The following EYA4 variants were observed in gnomAD, a reference collection of about 807,000 sequenced individuals.
The protein encoded by EYA4 is EYA transcriptional coactivator and phosphatase 4.
Under a neutral mutation model 87.9 loss-of-function variants are expected in EYA4, and 31 were observed. The ratio of observed to expected loss-of-function variants is 0.35; its 90% CI spans 0.27 to 0.48. The LOEUF (loss-of-function observed/expected upper bound fraction) is 0.48. Among genes scored for constraint, EYA4 ranks in the 20% least tolerant of loss-of-function variants. EYA4 has a pLI of 0.99. For synonymous variants in EYA4, 263 were observed against 270.6 expected, an observed-to-expected ratio of 0.97 and a Z score of 0.28; for missense variants, 678 against 761.4, an observed-to-expected ratio of 0.89 and a Z score of 1.29.
intron 2 of EYA4, among the ~76,000 whole-genome samples, chr6:133,320,295 T>C (rs947152287): frequency 9.2e-5 from 14 of 152,090 alleles, no homozygotes; most frequent in African/African-American, 3.4e-4. Context: ...TTTTTAAAGA[T>C]GGATAAATTT....
chr6:133,435,921 T>C (rs995004537), intron 3 of EYA4, among the ~76,000 whole-genome samples: 1 of 151,952 alleles, frequency 6.6e-6, no homozygotes, highest in Non-Finnish European at 1.5e-5. Flanking sequence ...ACTGCACATA[T>C]AAATATTGAA....
intron 2 of EYA4, among the ~76,000 whole-genome samples, chr6:133,348,376 C>T (rs894844980): frequency 3.4e-5 from 5 of 147,486 alleles, no homozygotes; most frequent in African/African-American, 1.3e-4. Flanking sequence ...CGGGTTCAAG[C>T]AGTCCTCTTG....
intron 2 of EYA4, among the ~76,000 whole-genome samples, chr6:133,290,346 A>C (rs559387377): frequency 6.6e-6 from 1 of 152,198 alleles, no homozygotes; most frequent in Non-Finnish European, 1.5e-5. Context: ...TCATCAAAAA[A>C]GTTTGAAATG....
At position 133,530,289 on chromosome 6, in the gene EYA4, C is replaced by T. The variant is rs116238383; in HGVS notation, c.*1484C>T. On this transcript the variant is annotated 3_prime_UTR_variant, in exon 20 of 20. Coordinates refer to ENST00000355286, the MANE Select transcript of EYA4 (RefSeq NM_004100.5). ...TTCTGCCTGTATTGTCACTGCGCAA[C>T]GGATGGCATTCATTACAAGAAGAGC... The T allele has an allele frequency of 1.6e-3, 1,587 of 985,392 alleles. 23 individuals are homozygous for T. In the African/African-American group the frequency reaches 0.025, roughly 16 times the overall value. The allele number at this position is 985,392 out of a possible 1,614,324, so 61.0% of individuals were successfully genotyped here. A position where few individuals can be genotyped will look rare whatever the true frequency, so the allele number is the denominator to read the frequency against.
At chr6:133,254,968 G>A (rs980343298) in intron 1 of EYA4, among the ~76,000 whole-genome samples, 4 of 152,192 alleles carry the variant, frequency 2.6e-5, no homozygotes, top group Non-Finnish European at 5.9e-5. Context: ...ACCTTTGTGT[G>A]TATCCAGGCT....
chr6:133,255,575 GTTATAC>G (rs1184919978), intron 1 of EYA4, among the ~76,000 whole-genome samples: 3 of 152,006 alleles, frequency 2.0e-5, no homozygotes, highest in Admixed American at 6.6e-5. Context: ...AGGATAAGTT[GTTATAC>G]TTAGATGTGC....
At chr6:133,249,279 A>G (rs146500761) in intron 1 of EYA4, among the ~76,000 whole-genome samples, 97 of 152,298 alleles carry the variant, frequency 6.4e-4, no homozygotes, top group Middle Eastern at 3.4e-3. Flanking sequence ...TAGGTGGACA[A>G]TTGTCCTATA....
chr6:133,355,008 A>T (rs1227010900), intron 2 of EYA4, among the ~76,000 whole-genome samples: 1 of 152,236 alleles, frequency 6.6e-6, no homozygotes. Flanking sequence ...AGAATAATAA[A>T]TCTACCTTTT....
intron 13 of EYA4, among the ~76,000 whole-genome samples, chr6:133,487,340 G>A (rs1442322538): frequency 6.6e-6 from 1 of 152,154 alleles, no homozygotes; most frequent in East Asian, 1.9e-4. Context: ...CTGCTGCTCT[G>A]CTGGGCTTGA....
chr6:133,302,024 G>T (rs893530781), intron 2 of EYA4, among the ~76,000 whole-genome samples: 3 of 152,098 alleles, frequency 2.0e-5, no homozygotes, highest in African/African-American at 7.2e-5. Flanking sequence ...AAGGGAGAAG[G>T]GTATTCCAGA....
At chr6:133,350,053 A>G (rs1783519917) in intron 2 of EYA4, among the ~76,000 whole-genome samples, 1 of 152,132 alleles carries the variant, frequency 6.6e-6, no homozygotes, top group South Asian at 2.1e-4. Flanking sequence ...TGTTTGATGA[A>G]GAATAATTCC....
At chr6:133,413,426 ATT>A (rs11388358) in intron 3 of EYA4, among the ~76,000 whole-genome samples, 208 of 140,792 alleles carry the variant, frequency 1.5e-3, no homozygotes, top group East Asian at 8.5e-3. Context: ...TAACCCAGTG[ATT>A]TTTTTTTTTT....
intron 13 of EYA4, 106 bp downstream of exon 13, chr6:133,483,221 T>C (rs1439693312): frequency 1.2e-5 from 9 of 775,298 alleles, no homozygotes; most frequent in Non-Finnish European, 2.0e-5. Flanking sequence ...TTTATTGCAG[T>C]CTGTGAAATC....
intron 2 of EYA4, among the ~76,000 whole-genome samples, chr6:133,340,741 G>A (rs1782719102): frequency 6.6e-6 from 1 of 152,134 alleles, no homozygotes; most frequent in South Asian, 2.1e-4. Flanking sequence ...AAGCCCTGTG[G>A]GCCAATAAAG....
chr6:133,377,632 ATAATTTTTTCAAAACTACTATT>A (rs6149816), intron 2 of EYA4, among the ~76,000 whole-genome samples: 26,016 of 138,824 alleles, frequency 0.19, 2,589 homozygotes, highest in South Asian at 0.32. Context: ...AGATATCTGG[ATAATTTTTTCAAAACTACTATT>A]TATTTTGCTT....
At chr6:133,413,582 T>C (rs1789437988) in intron 3 of EYA4, among the ~76,000 whole-genome samples, 1 of 152,198 alleles carries the variant, frequency 6.6e-6, no homozygotes, top group Non-Finnish European at 1.5e-5. Flanking sequence ...TTTTCTGATA[T>C]CATGTATATG....
intron 2 of EYA4, among the ~76,000 whole-genome samples, chr6:133,275,109 C>T (rs372032943): frequency 4.6e-5 from 7 of 152,138 alleles, no homozygotes; most frequent in East Asian, 3.9e-4. Context: ...ATTTTATATA[C>T]GTCCTTTATT....
intron 2 of EYA4, among the ~76,000 whole-genome samples, chr6:133,321,596 A>G (rs1043617849): frequency 3.9e-5 from 6 of 152,198 alleles, no homozygotes; most frequent in Non-Finnish European, 5.9e-5. Flanking sequence ...CTTCCATAAA[A>G]ATAATTTCAT....
At chr6:133,464,352 T>G (rs2128663911) in intron 9 of EYA4, among the ~76,000 whole-genome samples, 1 of 152,328 alleles carries the variant, frequency 6.6e-6, no homozygotes, top group East Asian at 1.9e-4. Flanking sequence ...GGGTTCTGTA[T>G]GTTTATTTCC....
Sources: gnomAD v4.1 joint callset for allele counts (sites outside exome capture counted in the v4.1 genomes callset) on GRCh38, gnomAD v4.1.1 for gene constraint, MANE v1.5 for transcripts, NCBI Gene and HGNC (gene_info 2026-07-23, HGNC 2026-07-21) for gene names.